PDE6B: variants seen among roughly 807,000 people sequenced by gnomAD.
The protein encoded by PDE6B is rod cGMP-specific 3',5'-cyclic phosphodiesterase subunit beta.
PDE6B carries 106 observed loss-of-function variants against 109.0 expected under a neutral mutation model. The observed-to-expected ratio is 0.97, with a 90% confidence interval of 0.83 to 1.14. The LOEUF (loss-of-function observed/expected upper bound fraction) is 1.14. Among genes scored for constraint, PDE6B ranks in the 50% most tolerant of loss-of-function variants. PDE6B has a pLI of 0.00. For synonymous variants in PDE6B, 490 were observed against 471.3 expected, an observed-to-expected ratio of 1.04 and a Z score of -0.51; for missense variants, 1,193 against 1,155.6, an observed-to-expected ratio of 1.03 and a Z score of -0.47.
intron 12 of PDE6B, among the ~76,000 whole-genome samples, chr4:660,859 G>A (rs1451355670): frequency 6.6e-6 from 1 of 151,970 alleles, no homozygotes; most frequent in Non-Finnish European, 1.5e-5. Flanking sequence ...TGGCTGGATG[G>A]GTGAAAAGCA....
At chr4:642,457 C>T (rs1191354136) in intron 3 of PDE6B, among the ~76,000 whole-genome samples, 2 of 151,358 alleles carry the variant, frequency 1.3e-5, no homozygotes, top group Admixed American at 1.3e-4. Flanking sequence ...GCCTGGGCAA[C>T]AAGAGTAAAC....
rs534093629 is a variant in PDE6B, at chr4:664,860, G to A, written c.2130-21G>A. On this transcript the variant is annotated intron_variant, in intron 17 of 21. Transcript: ENST00000496514. The stretch of plus-strand genomic sequence containing the variant: ...CCTCAGGAGACGCCCATCAGCACTC[G>A]TGCCCGGTTTGTGTCTGCAGGGCCA... 154 of 1,608,224 alleles carry A rather than the reference G, an allele frequency of 9.6e-5. 1 individual carries two copies. In the South Asian group the frequency reaches 1.6e-3, roughly 17 times the overall value.
chr4:663,090 T>TGCAG lies in PDE6B; in HGVS notation c.1833-9_1833-8insCAGG. ...TCCCACGGGCCTCACCTCCACCACC[T>TGCAG]GTGTAACAGGTCCCAGAACCCCTTG... is the stretch of plus-strand genomic sequence containing the variant. On this transcript the variant is annotated splice_polypyrimidine_tract_variant and intron_variant, in intron 14 of 21. Coordinates refer to ENST00000496514, the MANE Select transcript of PDE6B (RefSeq NM_000283.4). The surrounding 1 kb of genome is among the most constrained non-coding windows in gnomAD (Gnocchi z 4.0). 1 of 1,563,028 alleles carries TGCAG rather than the reference T, an allele frequency of 6.4e-7. No individual in the cohort carries two copies. Among genetic ancestry groups the TGCAG allele is most frequent in the Non-Finnish European group, 8.8e-7 (1 of 1,133,588 alleles).
chr4:650,625 G>A (rs1393564703), intron 3 of PDE6B, among the ~76,000 whole-genome samples: 1 of 152,218 alleles, frequency 6.6e-6, no homozygotes, highest in Non-Finnish European at 1.5e-5. Flanking sequence ...AAGACTCCCA[G>A]CAGTCAGGAC....
rs534079818 is a variant in PDE6B at position 670,345 on chromosome 4, C to A, written c.*238C>A. 1.3e-5 allele frequency: 6 copies of A among 464,754 alleles called. No individual in the cohort carries two copies. The Admixed American group carries it at 1.4e-4, about 11-fold the overall frequency. 28.8% of individuals were successfully genotyped at this position (464,754 alleles called of 1,614,324 possible). ...GCAACCTCCACCTCCCAGGTTCAAG[C>A]GATTCTCGTGCCTCAGCCTCCTGAG... On this transcript the variant is annotated 3_prime_UTR_variant, in exon 22 of 22. Coordinates refer to ENST00000496514, the MANE Select transcript of PDE6B (RefSeq NM_000283.4).
intron 1 of PDE6B, among the ~76,000 whole-genome samples, chr4:632,090 G>A (rs1272245567): frequency 6.6e-6 from 1 of 151,548 alleles, no homozygotes; most frequent in Non-Finnish European, 1.5e-5. Flanking sequence ...CTATCTCAGG[G>A]TCACATTGCA....
At chr4:654,233 G>A (rs1212093355) in intron 5 of PDE6B, 79 bp downstream of exon 5, 1 of 1,327,932 alleles carries the variant, frequency 7.5e-7, no homozygotes, top group Non-Finnish European at 1.1e-6. Flanking sequence ...AGGAGAGGGA[G>A]GGATAGGGGT....
intron 3 of PDE6B, chr4:653,506 G>A (rs1560117350): frequency 4.2e-6 from 2 of 478,200 alleles, no homozygotes; most frequent in Admixed American, 3.6e-5. Flanking sequence ...AGCCCTGCTC[G>A]CCGCAGGTGG....
chr4:657,828 C>T (rs1166446645), intron 10 of PDE6B, among the ~76,000 whole-genome samples: 1 of 137,940 alleles, frequency 7.2e-6, no homozygotes, highest in Non-Finnish European at 1.5e-5. Flanking sequence ...GCGGCGGGGG[C>T]AGGTCGTCCA....
At position 662,553 on chromosome 4, in the gene PDE6B, C is replaced by T. The variant is rs2109255298; in HGVS notation, c.1767C>T (p.Ala589=). ...KSYYTDLEAF[A]MVTAGLCHDI... is the part of the protein sequence containing the mutation. ...ACTACACGGACCTGGAGGCCTTCGC[C>T]ATGGTGACAGCCGGCCTGTGCCATG... The change falls in exon 14 of 22, where the codon GCC becomes GCT. Residue 589 remains alanine, a synonymous_variant. Transcript: ENST00000496514. This position sits in a 1 kb window ranked among gnomAD's most constrained non-coding sequence, Gnocchi z 4.3. 6.2e-7 allele frequency: 1 copy of T among 1,613,194 alleles called. No homozygotes were observed. Among genetic ancestry groups the T allele is most frequent in the Non-Finnish European group, 8.5e-7 (1 of 1,179,904 alleles).
At position 663,097 on chromosome 4, in the gene PDE6B, C is replaced by T; in HGVS notation, c.1833-3C>T. 3.1e-6 allele frequency: 5 copies of T among 1,591,714 alleles called. No homozygotes were observed. Among genetic ancestry groups the T allele is most frequent in the Middle Eastern group, 1.7e-4 (1 of 6,026 alleles). On this transcript the variant is annotated splice_region_variant and splice_polypyrimidine_tract_variant and intron_variant, in intron 14 of 21. Transcript: ENST00000496514. The surrounding 1 kb of genome is among the most constrained non-coding windows in gnomAD (Gnocchi z 4.0). Reference sequence around the variant, plus strand: ...GGCCTCACCTCCACCACCTGTGTAACAGGTCCCAGAACCCCTTGGCTAAGC... The same window carrying T: ...GGCCTCACCTCCACCACCTGTGTAATAGGTCCCAGAACCCCTTGGCTAAGC...
intron 2 of PDE6B, among the ~76,000 whole-genome samples, chr4:635,195 G>C (rs796837465): frequency 4.7e-3 from 572 of 122,278 alleles, no homozygotes; most frequent in African/African-American, 0.019. Flanking sequence ...TTACCTGCCT[G>C]CCCGCCTGCC....
chr4:639,692 C>T (rs929718345), intron 3 of PDE6B, among the ~76,000 whole-genome samples: 7 of 152,246 alleles, frequency 4.6e-5, no homozygotes, highest in East Asian at 1.9e-4. Context: ...ATGCTGAGGC[C>T]GGGCACGGTG....
intron 3 of PDE6B, among the ~76,000 whole-genome samples, chr4:649,696 C>G (rs1285688844): frequency 6.6e-6 from 1 of 151,938 alleles, no homozygotes; most frequent in Admixed American, 6.5e-5. Context: ...GGGGTTGGGA[C>G]CGCGTAGGCC....
At chr4:630,477 C>T (rs771744097) in intron 1 of PDE6B, among the ~76,000 whole-genome samples, 4 of 152,004 alleles carry the variant, frequency 2.6e-5, no homozygotes, top group Non-Finnish European at 5.9e-5. Context: ...CGGATGTTTC[C>T]GCGTGGGACT....
rs796506736 is a variant in PDE6B, at chr4:655,016, C to G, written c.992+128C>G. On this transcript the variant is annotated intron_variant, in intron 6 of 21. Transcript: ENST00000496514. The stretch of plus-strand genomic sequence containing the variant: ...TCAGCAGCACCGGCCTGGCCTGGCC[C>G]CACCTGTGGTGCTCTGTGTGCCGTG... 111 of 735,654 alleles carry G rather than the reference C, an allele frequency of 1.5e-4. No homozygotes were observed. The African/African-American group carries it at 1.6e-3, about 10-fold the overall frequency. The allele number at this position is 735,654 out of a possible 1,614,324, so 45.6% of individuals were successfully genotyped here.
rs201063091 is a variant in PDE6B, at chr4:664,902, C to T, written c.2151C>T (p.Cys717=). 82 of 1,613,202 alleles carry T rather than the reference C, an allele frequency of 5.1e-5. 1 individual carries two copies. In the Admixed American group the frequency reaches 9.5e-4, roughly 19 times the overall value. ...EIVMAMMMTA[C]DLSAITKPWE... is the part of the protein sequence containing the mutation. ...GCAGGGCCATGATGATGACAGCCTG[C>T]GACCTGTCTGCCATCACCAAGCCCT... Residue 717 remains cysteine, a synonymous_variant, in exon 18 of 22, where the codon TGC becomes TGT. Transcript: ENST00000496514.
intron 3 of PDE6B, chr4:652,994 C>T (rs1473797509): frequency 2.4e-5 from 4 of 167,162 alleles, no homozygotes; most frequent in Non-Finnish European, 4.9e-5. Context: ...TAAACCCCAT[C>T]AATACACACA....
At chr4:631,832 G>T (rs1734401751) in intron 1 of PDE6B, among the ~76,000 whole-genome samples, 1 of 147,584 alleles carries the variant, frequency 6.8e-6, no homozygotes, top group South Asian at 2.2e-4. Context: ...CGTTGTGTGG[G>T]TCCATGTGGC....
Sources: gnomAD v4.1 joint callset for allele counts (sites outside exome capture counted in the v4.1 genomes callset) on GRCh38, gnomAD v4.1.1 for gene constraint, Gnocchi (gnomAD v3.1) non-coding constraint, MANE v1.5 for transcripts, NCBI Gene and HGNC (gene_info 2026-07-23, HGNC 2026-07-21) for gene names.